The following ZBTB26 variants were observed in gnomAD, a reference collection of about 807,000 sequenced individuals.
ZBTB26 encodes zinc finger and BTB domain containing 26, also known as zinc finger and BTB domain-containing protein 26.
ZBTB26 carries 12 observed loss-of-function variants against 31.6 expected under a neutral mutation model. The observed-to-expected ratio is 0.38, with a 90% CI of 0.24 to 0.61. The LOEUF is 0.61. Ranked by LOEUF, ZBTB26 falls within the 20% of genes least tolerant of loss-of-function variation. ZBTB26 has a pLI of 0.60. For missense variants in ZBTB26, 311 were observed against 521.9 expected (o/e 0.60, Z 3.94); for synonymous variants, 155 against 182.9 (o/e 0.85, Z 1.23).
intron 1 of ZBTB26, among the ~76,000 whole-genome samples, chr9:122,929,378 G>A (rs1187523588): frequency 2.0e-5 from 3 of 152,086 alleles, no homozygotes; most frequent in African/African-American, 4.8e-5. Context: ...TTATCAATGA[G>A]CCTCTCTTTG....
At position 122,917,535 on chromosome 9, in the gene ZBTB26, GCA is replaced by G. The variant is rs1382137163; in HGVS notation, c.*1072_*1073del. 6.6e-6 allele frequency: 1 copy of G among 150,766 alleles called. No individual in the cohort carries two copies. The highest frequency in any genetic ancestry group is 1.5e-5 in the Non-Finnish European group (1 of 66,942). 9.3% of individuals were successfully genotyped at this position (150,766 alleles called of 1,614,324 possible). A position where few individuals can be genotyped will look rare whatever the true frequency, so the allele number is the denominator to read the frequency against. ...ATTTGCAATCAAAGGCAGCAAGGTG[GCA>G]CAGTGTACCTTTAAGAGGTATCTGA... On this transcript the variant is annotated 3_prime_UTR_variant, in exon 2 of 2. Coordinates refer to ENST00000373656, the MANE Select transcript of ZBTB26 (RefSeq NM_020924.4).
chr9:122,921,260 C>G (rs1833093744), intron 1 of ZBTB26, among the ~76,000 whole-genome samples: 1 of 152,206 alleles, frequency 6.6e-6, no homozygotes, highest in African/African-American at 2.4e-5. Context: ...GCCATGCCAA[C>G]ACGATAATTC....
At position 122,917,883 on chromosome 9, in the gene ZBTB26, C is replaced by T. The variant is rs111997962; in HGVS notation, c.*726G>A. 2.0e-5 allele frequency: 3 copies of T among 152,198 alleles called. No homozygotes were observed. The highest frequency in any genetic ancestry group is 7.2e-5 in the African/African-American group (3 of 41,430). 9.4% of individuals were successfully genotyped at this position (152,198 alleles called of 1,614,324 possible). On this transcript the variant is annotated 3_prime_UTR_variant, in exon 2 of 2. Coordinates refer to ENST00000373656, the MANE Select transcript of ZBTB26 (RefSeq NM_020924.4). ...GGGACATGCTACCAGAGAAACCGCC[C>T]ATGTAAGTGCTGTTGTATAAGTGTA... is the stretch of plus-strand genomic sequence containing the variant.
intron 1 of ZBTB26, among the ~76,000 whole-genome samples, chr9:122,926,949 T>G (rs964863036): frequency 6.6e-6 from 1 of 152,210 alleles, no homozygotes; most frequent in Admixed American, 6.5e-5. Context: ...AAAATAATCA[T>G]AAAAATCACT....
Position 122,917,914 on chromosome 9 carries a change from A to G in ZBTB26, c.*695T>C, listed in dbSNP as rs963084441. On this transcript the variant is annotated 3_prime_UTR_variant, in exon 2 of 2. Coordinates refer to ENST00000373656, the MANE Select transcript of ZBTB26 (RefSeq NM_020924.4). The stretch of plus-strand genomic sequence containing the variant: ...AGTGCTGTTGTATAAGTGTACTTCT[A>G]TCCCTGTTGATTATGCTCCTCATGG... 1 of 152,252 alleles carries G rather than the reference A, an allele frequency of 6.6e-6. No homozygotes were observed. The highest frequency in any genetic ancestry group is 1.5e-5 in the Non-Finnish European group (1 of 68,088). 9.4% of individuals were successfully genotyped at this position (152,252 alleles called of 1,614,324 possible). A position where few individuals can be genotyped will look rare whatever the true frequency, so the allele number is the denominator to read the frequency against.
chr9:122,929,802 A>T (rs1382881843), intron 1 of ZBTB26, among the ~76,000 whole-genome samples: 1 of 151,760 alleles, frequency 6.6e-6, no homozygotes, highest in Non-Finnish European at 1.5e-5. Context: ...GTCACTAATG[A>T]CCTCTTCATA....
Position 122,917,018 on chromosome 9 carries a change from C to T in ZBTB26, c.*1591G>A, listed in dbSNP as rs1833024875. On this transcript the variant is annotated 3_prime_UTR_variant, in exon 2 of 2. Coordinates refer to ENST00000373656, the MANE Select transcript of ZBTB26 (RefSeq NM_020924.4). ...TTCTCACATTATTCTTGCTTTTTCC[C>T]TCCCTAAACAAACCTAGCAAATCAC... 6.6e-6 allele frequency: 1 copy of T among 152,168 alleles called. No homozygotes were observed. The highest frequency in any genetic ancestry group is 2.4e-5 in the African/African-American group (1 of 41,444). 9.4% of individuals were successfully genotyped at this position (152,168 alleles called of 1,614,324 possible).
intron 1 of ZBTB26, among the ~76,000 whole-genome samples, chr9:122,925,765 ATTTTT>A (rs59850053): frequency 1.9e-5 from 2 of 103,944 alleles, no homozygotes; most frequent in African/African-American, 7.9e-5. Context: ...TGCCCAGCTA[ATTTTT>A]TTTTTTTTTT....
chr9:122,922,461 T>C (rs1487950739), intron 1 of ZBTB26, among the ~76,000 whole-genome samples: 2 of 152,222 alleles, frequency 1.3e-5, no homozygotes, highest in African/African-American at 4.8e-5. Flanking sequence ...TATCTCCATC[T>C]AATGCTGGGA....
At chr9:122,926,851 C>T (rs899495066) in intron 1 of ZBTB26, among the ~76,000 whole-genome samples, 5 of 152,098 alleles carry the variant, frequency 3.3e-5, no homozygotes, top group African/African-American at 1.2e-4. Flanking sequence ...ATGCCATTTG[C>T]AAATAAAGCA....
rs918484347 is a variant in ZBTB26 at position 122,917,981 on chromosome 9, G to T, written c.*628C>A. 2 of 152,688 alleles carry T rather than the reference G, an allele frequency of 1.3e-5. No homozygotes were observed. Among genetic ancestry groups the T allele is most frequent in the Middle Eastern group, 6.8e-3 (2 of 294 alleles). The allele number at this position is 152,688 out of a possible 1,614,324, so 9.5% of individuals were successfully genotyped here. ...GCCTGCAGGTGTTCCTCAAGAGAGA[G>T]TACTCTGGTATATGTGAACAATTCA... On this transcript the variant is annotated 3_prime_UTR_variant, in exon 2 of 2. Transcript: ENST00000373656.
At position 122,915,744 on chromosome 9, in the gene ZBTB26, T is replaced by G. The variant is rs1833010352; in HGVS notation, c.*2865A>C. Reference sequence around the variant, plus strand: ...ATTGGTCACCTTCCATTTATAGATCTGCTAATAAAGAAACTTAAATTAAAA... The same window carrying G: ...ATTGGTCACCTTCCATTTATAGATCGGCTAATAAAGAAACTTAAATTAAAA... On this transcript the variant is annotated 3_prime_UTR_variant, in exon 2 of 2. Coordinates refer to ENST00000373656, the MANE Select transcript of ZBTB26 (RefSeq NM_020924.4). 2 of 152,208 alleles carry G rather than the reference T, an allele frequency of 1.3e-5. No homozygotes were observed. The highest frequency in any genetic ancestry group is 4.1e-4 in the South Asian group (2 of 4,830). 9.4% of individuals were successfully genotyped at this position (152,208 alleles called of 1,614,324 possible). A position where few individuals can be genotyped will look rare whatever the true frequency, so the allele number is the denominator to read the frequency against.
At chr9:122,924,506 A>G (rs1833148199) in intron 1 of ZBTB26, among the ~76,000 whole-genome samples, 1 of 152,100 alleles carries the variant, frequency 6.6e-6, no homozygotes, top group Non-Finnish European at 1.5e-5. Context: ...TTACTAGGCT[A>G]TGGTACAGAT....
Position 122,919,680 on chromosome 9 carries a change from G to C in ZBTB26, c.255C>G (p.Leu85=), listed in dbSNP as rs1564334644. ...CCAGCACACCACTATAACAGGATAAGAGCAATTGTCTCCCCACTTCGGAAC... is the reference window on the plus strand; with the variant it reads ...CCAGCACACCACTATAACAGGATAACAGCAATTGTCTCCCCACTTCGGAAC... ...LQSSEVGRQL[L]LSCYSGVLEF... is the part of the protein sequence containing the mutation. Residue 85 remains leucine (L), a synonymous_variant, in exon 2 of 2, where the codon CTC becomes CTG. Transcript: ENST00000373656. This position sits in a 1 kb window ranked among gnomAD's most constrained non-coding sequence, Gnocchi z 6.1. The C allele has an allele frequency of 1.2e-6, 2 of 1,614,186 alleles. No individual in the cohort carries two copies. Among genetic ancestry groups the C allele is most frequent in the Non-Finnish European group, 8.5e-7 (1 of 1,180,036 alleles).
At position 122,918,431 on chromosome 9, in the gene ZBTB26, CA is replaced by C; in HGVS notation, c.*177del. On this transcript the variant is annotated 3_prime_UTR_variant, in exon 2 of 2. Coordinates refer to ENST00000373656, the MANE Select transcript of ZBTB26 (RefSeq NM_020924.4). ...ACTCAAAACAGAAAATGGGAGAGGG[CA>C]AAAGTAAGGCAAATCCACTCCAAGT... The C allele has an allele frequency of 2.3e-6, 2 of 873,010 alleles. No individual in the cohort carries two copies. The highest frequency in any genetic ancestry group is 1.7e-6 in the Non-Finnish European group (1 of 594,722). The allele number at this position is 873,010 out of a possible 1,614,324, so 54.1% of individuals were successfully genotyped here.
intron 1 of ZBTB26, among the ~76,000 whole-genome samples, chr9:122,922,117 A>C (rs1010218717): frequency 1.3e-5 from 2 of 151,950 alleles, no homozygotes; most frequent in Non-Finnish European, 2.9e-5. Context: ...ACGTGCCTGT[A>C]GTCCCAGCTA....
intron 1 of ZBTB26, among the ~76,000 whole-genome samples, chr9:122,928,623 T>C (rs1833220586): frequency 6.6e-6 from 1 of 152,246 alleles, no homozygotes; most frequent in Non-Finnish European, 1.5e-5. Context: ...TCCAATTTTT[T>C]GCTATTTTTT....
chr9:122,918,816 A>G lies in ZBTB26; in HGVS notation c.1119T>C (p.Leu373=). The change falls in exon 2 of 2, where the codon CTT becomes CTC. Residue 373 remains leucine, a synonymous_variant. Transcript: ENST00000373656. The part of the protein sequence containing the change: ...FAHKPVLRKH[L]KQLHGKNSFD... ...AGCTGTTTTTGCCATGCAGCTGTTTAAGGTGTTTCCTCAAAACTGGTTTAT... is the reference window on the plus strand; with the variant it reads ...AGCTGTTTTTGCCATGCAGCTGTTTGAGGTGTTTCCTCAAAACTGGTTTAT... The G allele has an allele frequency of 6.2e-7, 1 of 1,614,200 alleles. No homozygotes were observed. Among genetic ancestry groups the G allele is most frequent in the Non-Finnish European group, 8.5e-7 (1 of 1,180,022 alleles).
At chr9:122,923,196 G>GAAAAAAAAAAAAAAAAAAAAAAAAAAAA (rs78529702) in intron 1 of ZBTB26, among the ~76,000 whole-genome samples, 1 of 108,442 alleles carries the variant, frequency 9.2e-6, no homozygotes. Flanking sequence ...AAAAAAAAAA[G>GAAAAAAAAAAAAAAAAAAAAAAAAAAAA]AAAAAAAAAA....
Sources: gnomAD v4.1 joint callset for allele counts (sites outside exome capture counted in the v4.1 genomes callset) on GRCh38, gnomAD v4.1.1 for gene constraint, Gnocchi (gnomAD v3.1) non-coding constraint, MANE v1.5 for transcripts, NCBI Gene and HGNC (gene_info 2026-07-23, HGNC 2026-07-21) for gene names.